CNTN5: variants seen among roughly 807,000 people sequenced by gnomAD.
The protein encoded by CNTN5 is contactin-5.
Under a neutral mutation model 129.1 loss-of-function variants are expected in CNTN5, and 77 were observed. The observed-to-expected ratio is 0.60, with a 90% CI of 0.50 to 0.72. The LOEUF (loss-of-function observed/expected upper bound fraction) is 0.72, where lower values mean the gene tolerates loss of function less well. CNTN5 is among the 30% of genes least tolerant of loss of function. The probability of loss-of-function intolerance (pLI) is 0.00; values close to 1 mark genes in which losing one functional copy is unlikely to be tolerated. For synonymous variants in CNTN5, 509 were observed against 465.6 expected (o/e 1.09, Z -1.20); for missense variants, 1,478 against 1,328.8 (o/e 1.11, Z -1.75).
At chr11:99,108,036 T>A (rs1391254536) in intron 1 of CNTN5, among the ~76,000 whole-genome samples, 1 of 151,930 alleles carries the variant, frequency 6.6e-6, no homozygotes, top group Non-Finnish European at 1.5e-5. Flanking sequence ...TATGAATCGT[T>A]TGATGTGTGT....
intron 3 of CNTN5, among the ~76,000 whole-genome samples, chr11:99,658,856 C>T (rs1345059355): frequency 7.1e-6 from 1 of 140,628 alleles, no homozygotes; most frequent in Non-Finnish European, 1.5e-5. Flanking sequence ...CCATTGCACT[C>T]CAGACTGGGC....
intron 1 of CNTN5, among the ~76,000 whole-genome samples, chr11:99,314,638 G>A (rs1039342619): frequency 2.6e-5 from 4 of 152,004 alleles, no homozygotes; most frequent in Non-Finnish European, 5.9e-5. Flanking sequence ...AGAGGAATGG[G>A]TTAATACAAT....
chr11:100,045,034 G>T (rs760604595), intron 9 of CNTN5, among the ~76,000 whole-genome samples: 1 of 151,844 alleles, frequency 6.6e-6, no homozygotes, highest in African/African-American at 2.4e-5. Flanking sequence ...CTCTCCTACT[G>T]CAAGAAGTCT....
intron 16 of CNTN5, among the ~76,000 whole-genome samples, chr11:100,233,076 TAGA>T (rs1021082605): frequency 3.3e-5 from 5 of 152,140 alleles, no homozygotes; most frequent in Admixed American, 2.6e-4. Context: ...CACTAACAAG[TAGA>T]AGAATAGTGA....
intron 1 of CNTN5, among the ~76,000 whole-genome samples, chr11:99,115,579 G>A (rs985266790): frequency 2.6e-4 from 39 of 152,158 alleles, no homozygotes; most frequent in African/African-American, 7.0e-4. Flanking sequence ...GGCCAACATG[G>A]CAAAACCCCA....
intron 1 of CNTN5, among the ~76,000 whole-genome samples, chr11:99,292,234 A>G (rs569326678): frequency 7.2e-6 from 1 of 138,724 alleles, no homozygotes; most frequent in East Asian, 2.2e-4. Context: ...AAATATATAT[A>G]TATAAAAGCT....
At chr11:99,430,873 A>T (rs1486931399) in intron 2 of CNTN5, among the ~76,000 whole-genome samples, 2 of 152,060 alleles carry the variant, frequency 1.3e-5, no homozygotes, top group African/African-American at 4.8e-5. Flanking sequence ...CTACGGTGTG[A>T]GGTGGCTGTC....
chr11:99,253,897 T>TTTTATA (rs376157994), intron 1 of CNTN5, among the ~76,000 whole-genome samples: 3 of 139,062 alleles, frequency 2.2e-5, no homozygotes, highest in African/African-American at 8.0e-5. Flanking sequence ...AAATATACGT[T>TTTTATA]TATATATATA....
intron 2 of CNTN5, among the ~76,000 whole-genome samples, chr11:99,343,944 T>C (rs1003813426): frequency 1.3e-5 from 2 of 152,188 alleles, no homozygotes; most frequent in African/African-American, 4.8e-5. Context: ...AAATGTCATT[T>C]CAAGAAAATC....
At chr11:99,340,871 T>G (rs1866480865) in intron 2 of CNTN5, among the ~76,000 whole-genome samples, 1 of 152,212 alleles carries the variant, frequency 6.6e-6, no homozygotes, top group African/African-American at 2.4e-5. Flanking sequence ...ATAATTCCAT[T>G]GATTTTCTTA....
At chr11:99,617,633 ATT>A (rs959705243) in intron 3 of CNTN5, among the ~76,000 whole-genome samples, 3 of 152,058 alleles carry the variant, frequency 2.0e-5, no homozygotes, top group African/African-American at 7.2e-5. Flanking sequence ...TCTAGAGGAG[ATT>A]TTTTCGATGT....
intron 7 of CNTN5, among the ~76,000 whole-genome samples, chr11:99,917,191 A>G (rs1034235230): frequency 6.6e-6 from 1 of 152,138 alleles, no homozygotes; most frequent in African/African-American, 2.4e-5. Context: ...TCAGATAATA[A>G]TTACAATTAG....
At chr11:100,012,995 A>T (rs12806144) in intron 9 of CNTN5, among the ~76,000 whole-genome samples, 11,238 of 152,268 alleles carry the variant, frequency 0.074, 534 homozygotes, top group East Asian at 0.19. Flanking sequence ...AACAGGATGT[A>T]AAGAATTACT....
At chr11:99,667,510 C>T (rs938424098) in intron 3 of CNTN5, among the ~76,000 whole-genome samples, 4 of 151,890 alleles carry the variant, frequency 2.6e-5, no homozygotes, top group Non-Finnish European at 4.4e-5. Context: ...TTATTGTACC[C>T]CTGGTAAAGA....
At chr11:99,034,899 G>A (rs1268231407) in intron 1 of CNTN5, among the ~76,000 whole-genome samples, 12 of 150,262 alleles carry the variant, frequency 8.0e-5, no homozygotes, top group Admixed American at 2.7e-4. Context: ...TTTCTCTTGT[G>A]GGCATTTAGT....
In CNTN5 at chr11:99,564,926, C is replaced by A. The variant is rs1349181264; in HGVS notation, c.55+8657C>A. On this transcript the variant is annotated intron_variant, in intron 3 of 24. Transcript: ENST00000524871. The stretch of plus-strand genomic sequence containing the variant: ...TTTTATGTTCCTTTACTCTGTTATG[C>A]AGAATTTCTCCAGCTAATGGGTTTT... Among the ~76,000 whole-genome samples the A allele has an allele frequency of 3.3e-5, 5 of 152,220 alleles. No homozygotes were observed. The East Asian group carries it at 9.7e-4, about 29-fold the overall frequency.
rs577720122 is a variant in CNTN5 at position 99,685,530 on chromosome 11, C to T, written c.55+129261C>T. 3.9e-5 allele frequency among the ~76,000 whole-genome samples: 6 copies of T among 152,018 alleles called. No individual in the cohort carries two copies. In the East Asian group the frequency reaches 7.7e-4, roughly 20 times the overall value. ...TTCAGCTTTATATATTCTGAGATTA[C>T]ATAATTTGATAAACACTAATTTAAA... On this transcript the variant is annotated intron_variant, in intron 3 of 24. Coordinates refer to ENST00000524871, the MANE Select transcript of CNTN5 (RefSeq NM_014361.4).
chr11:99,554,342 A>G (rs1049440198), intron 2 of CNTN5, among the ~76,000 whole-genome samples: 1 of 152,094 alleles, frequency 6.6e-6, no homozygotes, highest in Non-Finnish European at 1.5e-5. Context: ...TCTAAGACCA[A>G]TAACTCCTTG....
chr11:99,911,918 C>A (rs1487828117), intron 6 of CNTN5, among the ~76,000 whole-genome samples: 1 of 151,900 alleles, frequency 6.6e-6, no homozygotes, highest in Non-Finnish European at 1.5e-5. Context: ...TTGTAGCCAA[C>A]TTCCAATAAT....
Sources: gnomAD v4.1 joint callset for allele counts (sites outside exome capture counted in the v4.1 genomes callset) on GRCh38, gnomAD v4.1.1 for gene constraint, MANE v1.5 for transcripts, NCBI Gene and HGNC (gene_info 2026-07-23, HGNC 2026-07-21) for gene names.